The following SLIT3 variants were observed in gnomAD, a reference collection of about 807,000 sequenced individuals.
SLIT3 encodes slit guidance ligand 3, also known as slit homolog 3 protein.
SLIT3 carries 68 observed loss-of-function variants against 184.0 expected under a neutral mutation model. The observed-to-expected ratio is 0.37, with a 90% CI of 0.30 to 0.45. SLIT3 has a LOEUF of 0.45. SLIT3 is among the 20% of genes least tolerant of loss of function. The pLI, the probability that SLIT3 is intolerant of heterozygous loss-of-function variation, is 1.00. For missense variants in SLIT3, 1,707 were observed against 2,026.0 expected (o/e 0.84, Z 3.02); for synonymous variants, 831 against 828.6 (o/e 1.00, Z -0.05).
chr5:169,191,449 G>C (rs1386304660), intron 4 of SLIT3, among the ~76,000 whole-genome samples: 1 of 152,112 alleles, frequency 6.6e-6, no homozygotes, highest in Non-Finnish European at 1.5e-5. Context: ...CCAGAGAAAG[G>C]AGATCAGAAA....
intron 4 of SLIT3, among the ~76,000 whole-genome samples, chr5:169,135,841 C>T (rs1056846917): frequency 1.3e-5 from 2 of 152,172 alleles, no homozygotes; most frequent in African/African-American, 4.8e-5. Context: ...GAAGGTTTTT[C>T]TAAGTAGGAT....
chr5:168,806,342 G>T, intron 9 of SLIT3, 104 bp downstream of exon 9: 1 of 1,275,210 alleles, frequency 7.8e-7, no homozygotes, highest in South Asian at 1.3e-5. Flanking sequence ...TTAATGGTCA[G>T]CTCCAGCAGC....
At chr5:169,125,683 C>T (rs768496623) in intron 4 of SLIT3, among the ~76,000 whole-genome samples, 15 of 152,164 alleles carry the variant, frequency 9.9e-5, no homozygotes, top group Non-Finnish European at 2.1e-4. Context: ...GCACCCCTCT[C>T]CCTGCAGAGC....
intron 3 of SLIT3, among the ~76,000 whole-genome samples, chr5:169,231,074 A>G (rs921976462): frequency 2.6e-5 from 4 of 152,216 alleles, no homozygotes; most frequent in Admixed American, 2.0e-4. Context: ...TAGGAAAAAA[A>G]TCACTTCCCA....
At chr5:169,143,843 T>G (rs969984609) in intron 4 of SLIT3, among the ~76,000 whole-genome samples, 1 of 152,044 alleles carries the variant, frequency 6.6e-6, no homozygotes, top group African/African-American at 2.4e-5. Context: ...GTGTGATGCA[T>G]GCATTAATAT....
At chr5:168,944,615 A>G (rs749543646) in intron 4 of SLIT3, among the ~76,000 whole-genome samples, 3 of 152,116 alleles carry the variant, frequency 2.0e-5, no homozygotes, top group Admixed American at 1.3e-4. Context: ...TAGTAGGCCC[A>G]AAAAATGACC....
In SLIT3 at chr5:169,015,811, A is replaced by G. The variant is rs185333332; in HGVS notation, c.414-132475T>C. Among the ~76,000 whole-genome samples, 3 of 152,134 alleles carry G rather than the reference A, an allele frequency of 2.0e-5. No homozygotes were observed. In the East Asian group the frequency reaches 5.8e-4, roughly 29 times the overall value. On this transcript the variant is annotated intron_variant, in intron 4 of 35. Transcript: ENST00000519560. ...TAGCCAGGTGTGGTGGTACTTGCCT[A>G]TAGTCCCAGCTACTTGGGAGGCTGA...
chr5:168,989,690 G>A (rs1400118142), intron 4 of SLIT3, among the ~76,000 whole-genome samples: 1 of 152,194 alleles, frequency 6.6e-6, no homozygotes, highest in Non-Finnish European at 1.5e-5. Context: ...AAAGTAATTG[G>A]TAGTCACTGT....
At chr5:169,173,185 C>T (rs535769085) in intron 4 of SLIT3, among the ~76,000 whole-genome samples, 3 of 152,274 alleles carry the variant, frequency 2.0e-5, no homozygotes, top group African/African-American at 7.2e-5. Context: ...CGCTTGAACC[C>T]GGGAGGCGAG....
At chr5:168,703,226 TTGTGTGTGTGTG>T (rs370363011) in intron 26 of SLIT3, among the ~76,000 whole-genome samples, 4,918 of 126,726 alleles carry the variant, frequency 0.039, 247 homozygotes, top group African/African-American at 0.12. Flanking sequence ...TCATCCCACT[TTGTGTGTGTGTG>T]TGTGTGTGTG....
chr5:169,082,304 T>G (rs918911544), intron 4 of SLIT3, among the ~76,000 whole-genome samples: 3 of 152,222 alleles, frequency 2.0e-5, no homozygotes, highest in Non-Finnish European at 4.4e-5. Context: ...GCTCATATAT[T>G]ATGCTTTGAT....
intron 21 of SLIT3, 88 bp from the exon 22 acceptor site, chr5:168,723,092 CA>C: frequency 1.1e-6 from 1 of 878,824 alleles, no homozygotes; most frequent in Non-Finnish European, 1.9e-6. Flanking sequence ...ACCTGCCATC[CA>C]CCCACTCATC....
At chr5:168,730,237 C>T (rs1763254319) in intron 20 of SLIT3, among the ~76,000 whole-genome samples, 1 of 151,914 alleles carries the variant, frequency 6.6e-6, no homozygotes, top group African/African-American at 2.4e-5. Context: ...ACAAATAATA[C>T]TGGACCTAAT....
chr5:168,773,009 C>T lies in SLIT3; in HGVS notation c.1296-65G>A, dbSNP rs899900070. The T allele has an allele frequency of 8.1e-6, 12 of 1,480,962 alleles. 1 individual carries two copies. The South Asian group carries it at 1.6e-4, about 20-fold the overall frequency. The allele number at this position is 1,480,962 out of a possible 1,614,324, so 91.7% of individuals were successfully genotyped here. On this transcript the variant is annotated intron_variant, in intron 13 of 35. Transcript: ENST00000519560. ...GGCGTCTTGCTCCACCACCACCACCCTGCCTCGCGCTGGGCCCTGGCAATC... is the reference window on the plus strand; with the variant it reads ...GGCGTCTTGCTCCACCACCACCACCTTGCCTCGCGCTGGGCCCTGGCAATC...
At chr5:169,191,297 G>A (rs761556671) in intron 4 of SLIT3, among the ~76,000 whole-genome samples, 4 of 152,080 alleles carry the variant, frequency 2.6e-5, no homozygotes, top group East Asian at 1.9e-4. Flanking sequence ...AGCTATGCCC[G>A]GACACGGACC....
At chr5:169,191,236 T>C (rs1284614050) in intron 4 of SLIT3, among the ~76,000 whole-genome samples, 2 of 152,228 alleles carry the variant, frequency 1.3e-5, no homozygotes, top group East Asian at 3.8e-4. Context: ...ATATCATTCA[T>C]TTATTCATCT....
At chr5:169,047,051 C>T (rs561565963) in intron 4 of SLIT3, among the ~76,000 whole-genome samples, 2 of 152,132 alleles carry the variant, frequency 1.3e-5, no homozygotes, top group African/African-American at 4.8e-5. Context: ...AAGTTCTATT[C>T]GTAGACTGGA....
intron 32 of SLIT3, among the ~76,000 whole-genome samples, chr5:168,679,118 G>C (rs1761502379): frequency 6.6e-6 from 1 of 152,186 alleles, no homozygotes; most frequent in Non-Finnish European, 1.5e-5. Context: ...CAGTGCGGTG[G>C]TGCAATCACA....
chr5:168,915,497 C>T lies in SLIT3; in HGVS notation c.414-32161G>A, dbSNP rs79563573. 9.2e-3 allele frequency among the ~76,000 whole-genome samples: 1,407 copies of T among 152,138 alleles called. 19 individuals are homozygous for T. Among genetic ancestry groups the T allele is most frequent in the African/African-American group, 0.032 (1,339 of 41,488 alleles). The stretch of plus-strand genomic sequence containing the variant: ...TACCAATCCCTCTATTGTAAAGTTG[C>T]TTTTCTATCCCAATACATTAATAGT... On this transcript the variant is annotated intron_variant, in intron 4 of 35. Transcript: ENST00000519560.
Sources: allele counts gnomAD v4.1 joint callset (sites outside exome capture counted in the v4.1 genomes callset), GRCh38; gene constraint gnomAD v4.1.1; transcripts MANE v1.5; gene names NCBI Gene and HGNC (gene_info 2026-07-23, HGNC 2026-07-21).